ZNF584: variants seen among roughly 807,000 people sequenced by gnomAD.
ZNF584 encodes zinc finger protein 584.
ZNF584 carries 12 observed loss-of-function variants against 14.7 expected under a neutral mutation model. The observed-to-expected ratio is 0.82, with a 90% CI of 0.52 to 1.32. The LOEUF (loss-of-function observed/expected upper bound fraction) is 1.32, where lower values mean the gene tolerates loss of function less well. Ranked by LOEUF, ZNF584 falls within the 40% of genes most tolerant of loss-of-function variation. The probability of loss-of-function intolerance (pLI) is 0.00; values close to 1 mark genes in which losing one functional copy is unlikely to be tolerated. For missense variants in ZNF584, 478 were observed against 518.8 expected (o/e 0.92, Z 0.76); for synonymous variants, 204 against 190.9 (o/e 1.07, Z -0.57).
intron 1 of ZNF584, among the ~76,000 whole-genome samples, chr19:58,401,906 ATT>A (rs1356143199): frequency 1.2e-4 from 14 of 118,502 alleles, no homozygotes; most frequent in African/African-American, 4.8e-4. Context: ...AAAAAAAAAG[ATT>A]TTTTTTTTTT....
chr19:58,412,315 T>C (rs915203276), intron 2 of ZNF584, among the ~76,000 whole-genome samples: 1 of 149,288 alleles, frequency 6.7e-6, no homozygotes, highest in Admixed American at 6.7e-5. Flanking sequence ...GTTCACGCCA[T>C]TCTCCTGCCT....
intron 3 of ZNF584, chr19:58,416,132 T>G: frequency 3.4e-6 from 2 of 588,324 alleles, no homozygotes; most frequent in Non-Finnish European, 5.9e-6. Flanking sequence ...ATATCCTATC[T>G]TGTGCCCTCA....
upstream of ZNF584, chr19:58,405,920 C>T (rs1385577066): frequency 1.2e-5 from 2 of 173,904 alleles, no homozygotes; most frequent in East Asian, 1.9e-4. Context: ...CAGGCGGAGA[C>T]GCTCCTCACT....
In ZNF584 at chr19:58,409,241, G is replaced by A. The variant is rs770588872; in HGVS notation, c.18+76G>A. 8 of 1,352,652 alleles carry A rather than the reference G, an allele frequency of 5.9e-6. No homozygotes were observed. In the African/African-American group the frequency reaches 1.1e-4, roughly 18 times the overall value. 83.8% of individuals were successfully genotyped at this position (1,352,652 alleles called of 1,614,324 possible). A position where few individuals can be genotyped will look rare whatever the true frequency, so the allele number is the denominator to read the frequency against. ...GGCGTGTGCCAGGGCAGAGTTGGAG[G>A]AGGGCAGGAGATCTGCGTATGATTC... On this transcript the variant is annotated intron_variant, in intron 1 of 3. Transcript: ENST00000306910.
At chr19:58,404,766 G>T (rs1043507436), upstream of ZNF584, 1 of 204,810 alleles carries the variant, frequency 4.9e-6, no homozygotes, top group Non-Finnish European at 1.0e-5. Flanking sequence ...CCCAGATGGG[G>T]TGGTGGCCGG....
chr19:58,407,953 A>G (rs56290606), upstream of ZNF584, among the ~76,000 whole-genome samples: 27,256 of 152,154 alleles, frequency 0.18, 2,678 homozygotes, highest in Non-Finnish European at 0.22. Context: ...ACCGTGCCTC[A>G]GCCATGTGCA....
chr19:58,403,161 A>G (rs1255124936), intron 1 of ZNF584, among the ~76,000 whole-genome samples: 2 of 152,216 alleles, frequency 1.3e-5, no homozygotes, highest in South Asian at 2.1e-4. Flanking sequence ...TGATACAGCA[A>G]TCACACTCCT....
At chr19:58,409,854 T>C (rs2052520098) in intron 1 of ZNF584, 87 bp from the exon 2 acceptor site, 4 of 1,524,686 alleles carry the variant, frequency 2.6e-6, no homozygotes, top group Non-Finnish European at 3.6e-6. Flanking sequence ...GGAGATGTGA[T>C]AGGACCCTGA....
chr19:58,417,773 G>A lies in ZNF584; in HGVS notation c.1255G>A (p.Val419Ile), dbSNP rs756765928. 1.7e-5 allele frequency: 28 copies of A among 1,604,834 alleles called. No individual in the cohort carries two copies. The highest frequency in any genetic ancestry group is 4.0e-5 in the African/African-American group (3 of 74,656). Residue 419 changes from valine to isoleucine, a missense_variant, in exon 4 of 4, where the codon GTT becomes ATT. This residue lies in a region of ZNF584 where 283 missense variants were observed against 317.3 expected (regional missense o/e 0.89). Coordinates refer to ENST00000306910, the MANE Select transcript of ZNF584 (RefSeq NM_173548.3). ...GGAGGACAGGGCACATGGGAAGGTCGTTAGCTGCTAGCACCGTGTTCATCA... is the reference window on the plus strand; with the variant it reads ...GGAGGACAGGGCACATGGGAAGGTCATTAGCTGCTAGCACCGTGTTCATCA... ...RQEDRAHGKVVSC is the reference protein window; with the variant it reads ...RQEDRAHGKVISC
At chr19:58,410,596 T>C (rs1444483426) in intron 2 of ZNF584, among the ~76,000 whole-genome samples, 2 of 39,856 alleles carry the variant, frequency 5.0e-5, no homozygotes, top group East Asian at 4.5e-4. Flanking sequence ...TATATATGTA[T>C]ATATATGTAT....
intron 1 of ZNF584, among the ~76,000 whole-genome samples, chr19:58,409,735 A>G (rs934328271): frequency 6.6e-6 from 1 of 152,148 alleles, no homozygotes; most frequent in East Asian, 1.9e-4. Flanking sequence ...CATCAATAAC[A>G]CCAGCAGCTC....
chr19:58,402,985 T>C (rs908658117), intron 1 of ZNF584, among the ~76,000 whole-genome samples: 4 of 152,070 alleles, frequency 2.6e-5, no homozygotes, highest in Admixed American at 1.3e-4. Context: ...CTACTATACA[T>C]CTATTAGAAT....
intron 2 of ZNF584, among the ~76,000 whole-genome samples, chr19:58,411,980 T>G: frequency 1.0e-5 from 1 of 96,868 alleles, no homozygotes; most frequent in East Asian, 2.3e-4. Context: ...AATACTTGTT[T>G]TTTTTTTTTT....
upstream of ZNF584, chr19:58,405,707 G>A (rs1312147074): frequency 5.7e-5 from 10 of 174,808 alleles, no homozygotes; most frequent in East Asian, 1.8e-4. Context: ...CATCCCGGAC[G>A]GGGCGGCAGG....
intron 3 of ZNF584, 101 bp downstream of exon 3, chr19:58,415,747 A>G: frequency 1.2e-6 from 2 of 1,611,916 alleles, no homozygotes; most frequent in Non-Finnish European, 1.7e-6. Context: ...CAGTGACCAT[A>G]CCTTATTTCC....
chr19:58,416,645 G>T, intron 3 of ZNF584, 166 bp from the exon 4 acceptor site: 1 of 729,794 alleles, frequency 1.4e-6, no homozygotes, highest in Non-Finnish European at 2.0e-6. Flanking sequence ...CACGTGATCT[G>T]CCCGCCTTGG....
chr19:58,410,544 T>TTTTTTTTTTTTTTTTTTTTTTTTG lies in ZNF584; in HGVS notation c.169+453_169+454insTTTTTTTTTTTTTTTTTTTTTTTG, dbSNP rs1568584359. 9.7e-5 allele frequency among the ~76,000 whole-genome samples: 6 copies of TTTTTTTTTTTTTTTTTTTTTTTTG among 61,704 alleles called. 2 individuals carry two copies. Among genetic ancestry groups the TTTTTTTTTTTTTTTTTTTTTTTTG allele is most frequent in the Non-Finnish European group, 1.6e-4 (6 of 36,746 alleles). The allele number at this position is 61,704 out of a possible 152,430, so 40.5% of individuals were successfully genotyped here. Reference sequence around the variant, plus strand: ...ATATATATATATATATATATATATATATATATATATATATGTGTATATATA... The same window carrying TTTTTTTTTTTTTTTTTTTTTTTTG: ...ATATATATATATATATATATATATATTTTTTTTTTTTTTTTTTTTTTTTGATATATATATATATGTGTATATATA... On this transcript the variant is annotated intron_variant, in intron 2 of 3. Transcript: ENST00000306910.
intron 2 of ZNF584, among the ~76,000 whole-genome samples, chr19:58,413,149 A>G (rs539579831): frequency 1.3e-5 from 2 of 151,920 alleles, no homozygotes; most frequent in South Asian, 4.2e-4. Context: ...TTTCTGCTCT[A>G]ATTTTTATTA....
chr19:58,418,018 A>G lies in ZNF584; in HGVS notation c.*234A>G. On this transcript the variant is annotated 3_prime_UTR_variant, in exon 4 of 4. Transcript: ENST00000306910. ...TATCCACCGCCATCCACCTCTATCC[A>G]CCCCATAAGGTCCCTACAGCAAGTG... The G allele has an allele frequency of 1.8e-6, 1 of 551,850 alleles. No homozygotes were observed. The highest frequency in any genetic ancestry group is 2.4e-5 in the South Asian group (1 of 42,304). 34.2% of individuals were successfully genotyped at this position (551,850 alleles called of 1,614,324 possible). A position where few individuals can be genotyped will look rare whatever the true frequency, so the allele number is the denominator to read the frequency against.
Sources: allele counts gnomAD v4.1 joint callset (sites outside exome capture counted in the v4.1 genomes callset), GRCh38; gene constraint gnomAD v4.1.1; regional missense constraint gnomAD v4.1.1; transcripts MANE v1.5; gene names NCBI Gene and HGNC (gene_info 2026-07-23, HGNC 2026-07-21).